Variants in MAP2K3 observed in about 807,000 individuals in gnomAD.
MAP2K3 encodes the protein mitogen-activated protein kinase kinase 3, also known as dual specificity mitogen-activated protein kinase kinase 3.
Under a neutral mutation model 46.4 loss-of-function variants are expected in MAP2K3, and 30 were observed. The observed-to-expected ratio is 0.65, with a 90% CI of 0.48 to 0.88. The LOEUF (loss-of-function observed/expected upper bound fraction) is 0.88. Ranked by LOEUF, MAP2K3 falls within the 40% of genes least tolerant of loss-of-function variation. MAP2K3 has a pLI of 0.00. For synonymous variants in MAP2K3, 189 were observed against 176.3 expected, an observed-to-expected ratio of 1.07 and a Z score of -0.57; for missense variants, 380 against 464.5, an observed-to-expected ratio of 0.82 and a Z score of 1.67.
intron 8 of MAP2K3, 83 bp downstream of exon 8, chr17:21,304,636 C>T (rs1484337268): frequency 1.9e-6 from 3 of 1,584,602 alleles, no homozygotes; most frequent in East Asian, 4.6e-5. Flanking sequence ...CGGCCATACC[C>T]TCTGTCCGTA....
chr17:21,285,286 G>A, intron 1 of MAP2K3: 1 of 985,310 alleles, frequency 1.0e-6, no homozygotes, highest in Non-Finnish European at 1.2e-6. Context: ...GCTGCAGCCT[G>A]GACATGAACT....
chr17:21,307,833 A>G (rs1976968824), intron 9 of MAP2K3, among the ~76,000 whole-genome samples: 1 of 127,416 alleles, frequency 7.8e-6, no homozygotes, highest in Non-Finnish European at 1.6e-5. Flanking sequence ...TCGTGCCACC[A>G]TGCCCGGCTA....
chr17:21,293,634 G>GAGGCCCTGGAGGCC (rs1976073110), intron 1 of MAP2K3, among the ~76,000 whole-genome samples: 1 of 146,654 alleles, frequency 6.8e-6, no homozygotes, highest in Non-Finnish European at 1.5e-5. Context: ...GGGAGGGTGT[G>GAGGCCCTGGAGGCC]AGGCCCTGGA....
intron 9 of MAP2K3, 102 bp from the exon 10 acceptor site, chr17:21,312,040 G>A (rs1977186001): frequency 2.6e-6 from 3 of 1,171,914 alleles, no homozygotes; most frequent in South Asian, 3.5e-5. Flanking sequence ...TTGACGCCTG[G>A]CTCTGGTACC....
In MAP2K3 at chr17:21,314,236, G is replaced by T. The variant is rs771878903; in HGVS notation, c.*6G>T. On this transcript the variant is annotated 3_prime_UTR_variant, in exon 12 of 12. Coordinates refer to ENST00000342679, the MANE Select transcript of MAP2K3 (RefSeq NM_145109.3). ...TCCTGGGAGAAGACTCATAGGGGCT[G>T]GGCCTCGGACCCCACTCCGGCCCTC... The T allele has an allele frequency of 6.2e-7, 1 of 1,613,202 alleles. No homozygotes were observed.
At chr17:21,292,390 T>A (rs1597802953) in intron 1 of MAP2K3, among the ~76,000 whole-genome samples, 2 of 234 alleles carry the variant, frequency 8.5e-3, no homozygotes, top group East Asian at 0.2. Flanking sequence ...CTTCTTCTCA[T>A]TTTTTTTTTT....
At chr17:21,304,990 A>G (rs1976815987) in intron 8 of MAP2K3, 61 bp from the exon 9 acceptor site, 2 of 1,603,826 alleles carry the variant, frequency 1.2e-6, no homozygotes. Context: ...TTGGGAGGCA[A>G]GGCCTAGCCA....
At chr17:21,286,269 C>G (rs1174341917) in intron 1 of MAP2K3, among the ~76,000 whole-genome samples, 1 of 152,260 alleles carries the variant, frequency 6.6e-6, no homozygotes, top group Non-Finnish European at 1.5e-5. Flanking sequence ...AAGGCCTCCA[C>G]TGCTGGAAGT....
At chr17:21,298,997 G>GA in intron 3 of MAP2K3, 71 bp downstream of exon 3, 1 of 1,605,982 alleles carries the variant, frequency 6.2e-7, no homozygotes, top group Non-Finnish European at 8.5e-7. Context: ...GACCCTGCAG[G>GA]GCCACTTTGG....
chr17:21,295,171 T>A (rs1441622700), intron 1 of MAP2K3, among the ~76,000 whole-genome samples: 1 of 152,312 alleles, frequency 6.6e-6, no homozygotes, highest in Non-Finnish European at 1.5e-5. Flanking sequence ...GGAAAGCAGG[T>A]GTCTCATTCA....
chr17:21,291,939 C>T (rs1188800008), intron 1 of MAP2K3, among the ~76,000 whole-genome samples: 65 of 152,276 alleles, frequency 4.3e-4, no homozygotes, highest in African/African-American at 1.1e-3. Context: ...AGGAGGAAAC[C>T]GAGGCTTGCA....
rs35206134 is a variant in MAP2K3, at chr17:21,312,245, G to A, written c.878G>A (p.Arg293His). Residue 293 changes from arginine (R) to histidine (H), a missense_variant, in exon 10 of 12, where the codon CGT (arginine) becomes CAT (histidine). Transcript: ENST00000342679. ...EEPSPQLPAD[R>H]FSPEFVDFTA... ...CCGTCCCCCCAGCTCCCAGCCGACC[G>A]TTTCTCCCCCGAGTTTGTGGACTTC... 78 of 1,601,516 alleles carry A rather than the reference G, an allele frequency of 4.9e-5. No individual in the cohort carries two copies. Among genetic ancestry groups the A allele is most frequent in the South Asian group, 2.3e-4 (21 of 89,544 alleles).
intron 9 of MAP2K3, among the ~76,000 whole-genome samples, chr17:21,307,593 A>G (rs1214645014): frequency 3.3e-5 from 2 of 60,472 alleles, no homozygotes; most frequent in African/African-American, 1.1e-4. Context: ...TCTGGTGGGT[A>G]GAGAGTTGAC....
chr17:21,300,187 G>A (rs1976511443), intron 3 of MAP2K3, among the ~76,000 whole-genome samples: 1 of 152,312 alleles, frequency 6.6e-6, no homozygotes, highest in Non-Finnish European at 1.5e-5. Flanking sequence ...CATTGTGGAT[G>A]CTTGGTAAAC....
chr17:21,314,226 C>T lies in MAP2K3; in HGVS notation c.1040C>T (p.Ser347Leu). 6.2e-7 allele frequency: 1 copy of T among 1,613,908 alleles called. No individual in the cohort carries two copies. The highest frequency in any genetic ancestry group is 8.5e-7 in the Non-Finnish European group (1 of 1,179,892). ...GTGAAGGAGATCCTGGGAGAAGACT[C>T]ATAGGGGCTGGGCCTCGGACCCCAC... is the stretch of plus-strand genomic sequence containing the variant. The part of the protein sequence containing the change: ...AFVKEILGED[S>L] Residue 347 changes from serine to leucine, a missense_variant, in exon 12 of 12, where the codon TCA (serine) becomes TTA (leucine). Coordinates refer to ENST00000342679, the MANE Select transcript of MAP2K3 (RefSeq NM_145109.3).
At chr17:21,306,058 G>C (rs1018076411) in intron 9 of MAP2K3, among the ~76,000 whole-genome samples, 1 of 152,216 alleles carries the variant, frequency 6.6e-6, no homozygotes, top group African/African-American at 2.4e-5. Context: ...TTCCAACACC[G>C]CAACCCATTC....
intron 7 of MAP2K3, 117 bp downstream of exon 7, chr17:21,303,351 T>A: frequency 4.2e-6 from 6 of 1,431,578 alleles, no homozygotes; most frequent in Non-Finnish European, 5.7e-6. Flanking sequence ...GGTTGTGACG[T>A]GCCCGATGGG....
At chr17:21,304,080 A>C (rs1976754006) in intron 7 of MAP2K3, among the ~76,000 whole-genome samples, 1 of 152,300 alleles carries the variant, frequency 6.6e-6, no homozygotes, top group Non-Finnish European at 1.5e-5. Flanking sequence ...GGGAGCACCC[A>C]CACAAGCCAG....
At position 21,314,184 on chromosome 17, in the gene MAP2K3, C is replaced by T. The variant is rs35755743; in HGVS notation, c.998C>T (p.Thr333Met). The T allele has an allele frequency of 3.3e-5, 54 of 1,614,070 alleles. No individual in the cohort carries two copies. Among genetic ancestry groups the T allele is most frequent in the East Asian group, 1.6e-4 (7 of 44,884 alleles). Residue 333 changes from threonine (T) to methionine (M), a missense_variant, in exon 12 of 12, where the codon ACG (threonine) becomes ATG (methionine). Coordinates refer to ENST00000342679, the MANE Select transcript of MAP2K3 (RefSeq NM_145109.3). ...TTCACCTTGCACAAAACCAAGAAGA[C>T]GGACATTGCTGCCTTCGTGAAGGAG... is the stretch of plus-strand genomic sequence containing the variant. ...PFFTLHKTKK[T>M]DIAAFVKEIL...
Sources: gnomAD v4.1 joint callset for allele counts (sites outside exome capture counted in the v4.1 genomes callset) on GRCh38, gnomAD v4.1.1 for gene constraint, MANE v1.5 for transcripts, NCBI Gene and HGNC (gene_info 2026-07-23, HGNC 2026-07-21) for gene names.